Variants in ARHGAP44 observed in about 807,000 individuals in gnomAD.
ARHGAP44 encodes the protein Rho GTPase activating protein 44.
Under a neutral mutation model 106.8 loss-of-function variants are expected in ARHGAP44, and 43 were observed. That is an observed-to-expected ratio of 0.40 (90% CI 0.32 to 0.52). ARHGAP44 has a LOEUF of 0.52. Among genes scored for constraint, ARHGAP44 ranks in the 20% least tolerant of loss-of-function variants. The pLI, the probability that ARHGAP44 is intolerant of heterozygous loss-of-function variation, is 0.48. For synonymous variants in ARHGAP44, 439 were observed against 410.3 expected, an observed-to-expected ratio of 1.07 and a Z score of -0.85; for missense variants, 866 against 1,050.5, an observed-to-expected ratio of 0.82 and a Z score of 2.43.
In ARHGAP44 at chr17:12,943,979, A is replaced by T; in HGVS notation, c.734-90A>T. On this transcript the variant is annotated intron_variant, in intron 9 of 20. Coordinates refer to ENST00000379672, the MANE Select transcript of ARHGAP44 (RefSeq NM_014859.6). ...GGGCCTCCCTCTCTTTGGTAATCTT[A>T]GGAGAATCTGGACAACAAAGGAAAG... 5 of 1,445,974 alleles carry T rather than the reference A, an allele frequency of 3.5e-6. No homozygotes were observed. The South Asian group carries it at 7.2e-5, about 21-fold the overall frequency. The allele number at this position is 1,445,974 out of a possible 1,614,324, so 89.6% of individuals were successfully genotyped here. A position where few individuals can be genotyped will look rare whatever the true frequency, so the allele number is the denominator to read the frequency against.
At chr17:12,877,378 C>T (rs1490176708) in intron 1 of ARHGAP44, among the ~76,000 whole-genome samples, 1 of 152,102 alleles carries the variant, frequency 6.6e-6, no homozygotes, top group African/African-American at 2.4e-5. Context: ...GAGACCCACC[C>T]TGGCTTAGAC....
At chr17:12,859,344 T>C (rs903819899) in intron 1 of ARHGAP44, among the ~76,000 whole-genome samples, 14 of 152,134 alleles carry the variant, frequency 9.2e-5, no homozygotes, top group African/African-American at 3.4e-4. Context: ...GGCAATAAAT[T>C]TCTGTTATTT....
intron 16 of ARHGAP44, among the ~76,000 whole-genome samples, chr17:12,972,249 A>G (rs531307785): frequency 6.6e-6 from 1 of 152,246 alleles, no homozygotes; most frequent in South Asian, 2.1e-4. Flanking sequence ...GTGAGCCCTT[A>G]CCTTAGTCAA....
intron 1 of ARHGAP44, among the ~76,000 whole-genome samples, chr17:12,891,955 C>T (rs1279605220): frequency 1.4e-5 from 2 of 138,876 alleles, no homozygotes; most frequent in African/African-American, 5.5e-5. Context: ...ACCACCACGC[C>T]CGGCTAATTT....
chr17:12,831,735 A>G (rs1373608087), intron 1 of ARHGAP44, among the ~76,000 whole-genome samples: 2 of 152,196 alleles, frequency 1.3e-5, no homozygotes, highest in Non-Finnish European at 2.9e-5. Flanking sequence ...ACAGGGACAC[A>G]GGAAGGATTC....
rs2039914742 is a variant in ARHGAP44 at position 12,984,680 on chromosome 17, G to A, written c.2089G>A (p.Gly697Arg). ...ACCCTATGGACTGAGCTACCCTCAGGGGTACTCCTTGGCCTCGGGCCAGCT... is the reference window on the plus strand; with the variant it reads ...ACCCTATGGACTGAGCTACCCTCAGAGGTACTCCTTGGCCTCGGGCCAGCT... The part of the protein sequence containing the change: ...PSPYGLSYPQ[G>R]YSLASGQLSP... Residue 697 changes from glycine to arginine, a missense_variant, in exon 20 of 21, where the codon GGG (glycine) becomes AGG (arginine). Physicochemically the swap from Gly to Arg is moderately radical, Grantham distance 125. Around this residue, in one of 2 missense-constraint regions of ARHGAP44, gnomAD observed 418 missense variants for 403.6 expected, o/e 1.04. Coordinates refer to ENST00000379672, the MANE Select transcript of ARHGAP44 (RefSeq NM_014859.6). 2 of 1,613,420 alleles carry A rather than the reference G, an allele frequency of 1.2e-6. No homozygotes were observed. The highest frequency in any genetic ancestry group is 4.5e-5 in the East Asian group (2 of 44,852).
At chr17:12,930,411 A>G (rs1031376257) in intron 7 of ARHGAP44, among the ~76,000 whole-genome samples, 4 of 151,558 alleles carry the variant, frequency 2.6e-5, no homozygotes, top group Non-Finnish European at 2.9e-5. Flanking sequence ...TTTTTTTTGT[A>G]TTTTTAGTAG....
chr17:12,897,935 A>G (rs2037262116), intron 3 of ARHGAP44, among the ~76,000 whole-genome samples: 1 of 152,038 alleles, frequency 6.6e-6, no homozygotes, highest in Non-Finnish European at 1.5e-5. Flanking sequence ...CTTACGTATT[A>G]TATCAGTAAG....
intron 1 of ARHGAP44, among the ~76,000 whole-genome samples, chr17:12,793,842 G>T (rs1293486653): frequency 6.6e-6 from 1 of 152,212 alleles, no homozygotes; most frequent in Admixed American, 6.5e-5. Flanking sequence ...AGGGACAGCT[G>T]CCCTAACGCT....
In ARHGAP44 at chr17:12,855,427, A is replaced by G. The variant is rs1236019929; in HGVS notation, c.54-39513A>G. ...TCAGGAAGTCTTTCTTTTTTTCATT[A>G]CAATTTCTAAATTTGGAGTCCTGCT... On this transcript the variant is annotated intron_variant, in intron 1 of 20. Coordinates refer to ENST00000379672, the MANE Select transcript of ARHGAP44 (RefSeq NM_014859.6). 2.0e-5 allele frequency among the ~76,000 whole-genome samples: 3 copies of G among 152,252 alleles called. No homozygotes were observed. In the East Asian group the frequency reaches 5.8e-4, roughly 29 times the overall value.
intron 5 of ARHGAP44, among the ~76,000 whole-genome samples, chr17:12,917,738 G>T (rs2037960371): frequency 6.6e-6 from 1 of 152,168 alleles, no homozygotes; most frequent in South Asian, 2.1e-4. Flanking sequence ...CTCAATCTGT[G>T]CCGTTTGATA....
In ARHGAP44 at chr17:12,953,267, G is replaced by A. The variant is rs145231327; in HGVS notation, c.1136+686G>A. Reference sequence around the variant, plus strand: ...TACCACCCGAGCTTCCACTTCCGGCGCGCTGCAGATCCTTCTCCACGCCTG... The same window carrying A: ...TACCACCCGAGCTTCCACTTCCGGCACGCTGCAGATCCTTCTCCACGCCTG... On this transcript the variant is annotated intron_variant, in intron 13 of 20. Coordinates refer to ENST00000379672, the MANE Select transcript of ARHGAP44 (RefSeq NM_014859.6). 3.3e-5 allele frequency among the ~76,000 whole-genome samples: 5 copies of A among 152,156 alleles called. 1 individual carries two copies. The highest frequency in any genetic ancestry group is 5.9e-5 in the Non-Finnish European group (4 of 67,980).
chr17:12,959,172 T>A, intron 16 of ARHGAP44: 1 of 406,948 alleles, frequency 2.5e-6, no homozygotes, highest in Non-Finnish European at 4.5e-6. Context: ...AGTCACTGAG[T>A]GCAATTAAAA....
chr17:12,858,872 A>G (rs1198107316), intron 1 of ARHGAP44, among the ~76,000 whole-genome samples: 1 of 152,184 alleles, frequency 6.6e-6, no homozygotes, highest in Non-Finnish European at 1.5e-5. Context: ...GGTGAAAGGC[A>G]CGTCTTACAT....
intron 1 of ARHGAP44, among the ~76,000 whole-genome samples, chr17:12,834,895 A>G (rs1307650698): frequency 6.6e-6 from 1 of 152,216 alleles, no homozygotes; most frequent in Non-Finnish European, 1.5e-5. Flanking sequence ...TCCTATAATT[A>G]TATCTACCAT....
intron 1 of ARHGAP44, among the ~76,000 whole-genome samples, chr17:12,828,144 G>A (rs61603088): frequency 0.047 from 7,057 of 151,318 alleles, 206 homozygotes; most frequent in African/African-American, 0.086. Flanking sequence ...TATAATGTCT[G>A]TAATTTTAAA....
At chr17:12,987,442 C>G (rs1026149108) in intron 20 of ARHGAP44, 41 of 345,216 alleles carry the variant, frequency 1.2e-4, no homozygotes, top group Admixed American at 1.1e-3. Context: ...AGCTCCTCCC[C>G]CTCCGCCCTC....
At chr17:12,904,744 C>T (rs2037495781) in intron 3 of ARHGAP44, among the ~76,000 whole-genome samples, 1 of 151,936 alleles carries the variant, frequency 6.6e-6, no homozygotes, top group Non-Finnish European at 1.5e-5. Flanking sequence ...TAGACGCACA[C>T]ACATGTATGT....
At chr17:12,954,186 C>T (rs987981021) in intron 13 of ARHGAP44, among the ~76,000 whole-genome samples, 4 of 151,980 alleles carry the variant, frequency 2.6e-5, no homozygotes, top group African/African-American at 9.7e-5. Context: ...GCATGAGCCA[C>T]GGCGCCTGGC....
Sources: gnomAD v4.1 joint callset for allele counts (sites outside exome capture counted in the v4.1 genomes callset) on GRCh38, gnomAD v4.1.1 for gene constraint, gnomAD v4.1.1 regional missense constraint, MANE v1.5 for transcripts, NCBI Gene and HGNC (gene_info 2026-07-23, HGNC 2026-07-21) for gene names.